ADCY5: variants seen among roughly 807,000 people sequenced by gnomAD.
ADCY5 encodes adenylate cyclase type 5.
ADCY5 carries 30 observed loss-of-function variants against 119.7 expected under a neutral mutation model. The ratio of observed to expected loss-of-function variants is 0.25; its 90% CI spans 0.19 to 0.34. The LOEUF (loss-of-function observed/expected upper bound fraction) is 0.34. ADCY5 is among the 10% of genes least tolerant of loss of function. The pLI is 1.00. For synonymous variants in ADCY5, 753 were observed against 762.2 expected (o/e 0.99, Z 0.20); for missense variants, 1,324 against 1,775.2 (o/e 0.75, Z 4.57).
intron 1 of ADCY5, among the ~76,000 whole-genome samples, chr3:123,439,351 C>T (rs1354155815): frequency 1.3e-5 from 2 of 151,766 alleles, no homozygotes; most frequent in Non-Finnish European, 2.9e-5. Context: ...CATGAGCCAC[C>T]GCACCCAGCC....
chr3:123,291,066 G>A (rs1400444999), intron 18 of ADCY5, 47 bp downstream of exon 18: 18 of 1,571,936 alleles, frequency 1.1e-5, no homozygotes, highest in Non-Finnish European at 1.6e-5. Context: ...CCAGGGACTT[G>A]TAGGCCCCTC....
intron 12 of ADCY5, among the ~76,000 whole-genome samples, chr3:123,307,912 T>TA (rs949485445): frequency 6.0e-5 from 9 of 149,570 alleles, no homozygotes; most frequent in East Asian, 3.9e-4. Context: ...ACTGCAGGCT[T>TA]AAAAAAAAAT....
rs147225931 is a variant in ADCY5 at position 123,291,104 on chromosome 3, G to A, written c.3327+9C>T. The A allele has an allele frequency of 6.0e-4, 966 of 1,607,384 alleles. 11 individuals carry two copies. The South Asian group carries it at 9.2e-3, about 15-fold the overall frequency. On this transcript the variant is annotated intron_variant, in intron 18 of 20. Transcript: ENST00000462833. ...AGGAACACAGCCTGACCCAGGCCCC[G>A]CTGTGCACCTCATCAAAGTCAGCGA...
intron 3 of ADCY5, among the ~76,000 whole-genome samples, chr3:123,344,386 C>T (rs980424624): frequency 2.6e-5 from 4 of 152,150 alleles, no homozygotes; most frequent in African/African-American, 9.7e-5. Context: ...ATAAAAATAA[C>T]AGTAACAATA....
At chr3:123,320,691 G>A (rs1941173296) in intron 9 of ADCY5, 58 bp downstream of exon 9, 3 of 1,598,892 alleles carry the variant, frequency 1.9e-6, no homozygotes, top group Admixed American at 3.3e-5. Context: ...TGATAAGGTG[G>A]ATTGGGAGAT....
At chr3:123,343,078 G>C (rs1278665472) in intron 3 of ADCY5, among the ~76,000 whole-genome samples, 1 of 152,236 alleles carries the variant, frequency 6.6e-6, no homozygotes. Context: ...CAATAGAGCA[G>C]TACGTTGTCT....
chr3:123,300,331 C>T, intron 14 of ADCY5, 36 bp from the exon 15 acceptor site: 1 of 1,603,114 alleles, frequency 6.2e-7, no homozygotes, highest in Non-Finnish European at 8.5e-7. Flanking sequence ...GCTCCCCAGG[C>T]CCTGCCCGAC....
At chr3:123,436,212 A>T (rs1320322869) in intron 1 of ADCY5, among the ~76,000 whole-genome samples, 1 of 151,820 alleles carries the variant, frequency 6.6e-6, no homozygotes, top group Admixed American at 6.6e-5. Flanking sequence ...TTATTTTAAA[A>T]AATTACCAAA....
At chr3:123,385,868 C>T (rs1944203492) in intron 1 of ADCY5, among the ~76,000 whole-genome samples, 1 of 152,212 alleles carries the variant, frequency 6.6e-6, no homozygotes, top group Admixed American at 6.5e-5. Context: ...CTTTCGTGGA[C>T]AGGCTGAGAA....
chr3:123,327,217 C>T (rs1235586342), intron 7 of ADCY5, among the ~76,000 whole-genome samples: 2 of 152,128 alleles, frequency 1.3e-5, no homozygotes, highest in Non-Finnish European at 2.9e-5. Context: ...GACATAGGCA[C>T]ATGTGGAGAT....
chr3:123,382,249 A>G (rs1051249775), intron 1 of ADCY5, among the ~76,000 whole-genome samples: 10 of 152,230 alleles, frequency 6.6e-5, no homozygotes, highest in African/African-American at 2.4e-4. Context: ...ACAACACTTC[A>G]TCCAGCCTTT....
chr3:123,293,308 G>A (rs1258009884), intron 17 of ADCY5, among the ~76,000 whole-genome samples: 1 of 152,114 alleles, frequency 6.6e-6, no homozygotes, highest in African/African-American at 2.4e-5. Flanking sequence ...CAACTGTACA[G>A]GGGCTGCTAA....
At chr3:123,396,715 A>G (rs1944585911) in intron 1 of ADCY5, among the ~76,000 whole-genome samples, 1 of 131,116 alleles carries the variant, frequency 7.6e-6, no homozygotes, top group Non-Finnish European at 1.6e-5. Context: ...AGGGAGGGAG[A>G]GAGAAGGGAG....
chr3:123,370,311 G>T (rs1943592320), intron 1 of ADCY5, among the ~76,000 whole-genome samples: 2 of 152,172 alleles, frequency 1.3e-5, no homozygotes, highest in Admixed American at 1.3e-4. Flanking sequence ...AAAGGCTGTG[G>T]CAGAGACTGT....
intron 1 of ADCY5, among the ~76,000 whole-genome samples, chr3:123,415,132 C>G (rs1436709224): frequency 1.3e-5 from 2 of 152,202 alleles, no homozygotes; most frequent in African/African-American, 4.8e-5. Flanking sequence ...GCCCTCGGGT[C>G]TGATAGGAAC....
chr3:123,379,574 A>G (rs55762427), intron 1 of ADCY5, among the ~76,000 whole-genome samples: 71,884 of 151,686 alleles, frequency 0.47, 17,807 homozygotes, highest in East Asian at 0.69. Context: ...GCTGCTGTGA[A>G]GTGCAGGGAG....
chr3:123,290,069 T>C, intron 18 of ADCY5, 115 bp from the exon 19 acceptor site: 1 of 1,018,958 alleles, frequency 9.8e-7, no homozygotes. Flanking sequence ...GTGTCCGCTC[T>C]TCACACAGTG....
At chr3:123,424,616 TG>T (rs1297902858) in intron 1 of ADCY5, among the ~76,000 whole-genome samples, 1 of 152,182 alleles carries the variant, frequency 6.6e-6, no homozygotes, top group Non-Finnish European at 1.5e-5. Context: ...AGGAGGTGGC[TG>T]CCTCCTACCA....
At chr3:123,295,069 G>A (rs1336930509) in intron 17 of ADCY5, among the ~76,000 whole-genome samples, 1 of 152,164 alleles carries the variant, frequency 6.6e-6, no homozygotes, top group African/African-American at 2.4e-5. Flanking sequence ...CAAACTCAGG[G>A]GACCCCTCAA....
Sources: allele counts gnomAD v4.1 joint callset (sites outside exome capture counted in the v4.1 genomes callset), GRCh38; gene constraint gnomAD v4.1.1; transcripts MANE v1.5; gene names NCBI Gene and HGNC (gene_info 2026-07-23, HGNC 2026-07-21).